The following ZNF385C variants were observed in gnomAD, a reference collection of about 807,000 sequenced individuals.
ZNF385C encodes CTD-2132N18.2.
A neutral mutation model predicts 35.4 loss-of-function variants in ZNF385C; 28 were observed. That is an observed-to-expected ratio of 0.79 (90% CI 0.59 to 1.08). ZNF385C has a LOEUF of 1.08. ZNF385C is among the 50% of genes least tolerant of loss of function. ZNF385C has a pLI of 0.00. For synonymous variants in ZNF385C, 248 were observed against 248.2 expected, an observed-to-expected ratio of 1.00 and a Z score of 0.01; for missense variants, 605 against 595.6, an observed-to-expected ratio of 1.02 and a Z score of -0.16.
In ZNF385C at chr17:42,050,048, G is replaced by A. The variant is rs2053248931; in HGVS notation, c.251-12163C>T. ...ACCTCAAGGAAACAGGCTGAGTGGA[G>A]TGAGGTGTAAACAAAACTCCATGGG... On this transcript the variant is annotated intron_variant, in intron 2 of 8. Transcript: ENST00000692273. This position sits in a 1 kb window ranked among gnomAD's most constrained non-coding sequence, Gnocchi z 5.6. Among the ~76,000 whole-genome samples, 1 of 152,246 alleles carries A rather than the reference G, an allele frequency of 6.6e-6. No individual in the cohort carries two copies.
At chr17:42,066,221 A>G (rs1378578888) in intron 1 of ZNF385C, among the ~76,000 whole-genome samples, 1 of 151,918 alleles carries the variant, frequency 6.6e-6, no homozygotes, top group Admixed American at 6.6e-5. Flanking sequence ...CACCACTCCC[A>G]GCTAATTTTT....
intron 1 of ZNF385C, among the ~76,000 whole-genome samples, chr17:42,071,776 GCCTGCTCT>G (rs112689477): frequency 0.31 from 47,570 of 151,722 alleles, 8,288 homozygotes; most frequent in African/African-American, 0.46. Context: ...TTTATCTCCT[GCCTGCTCT>G]CCTGCTCTCC....
Position 42,028,903 on chromosome 17 carries a change from C to A in ZNF385C, c.847G>T (p.Ala283Ser). Residue 283 changes from alanine to serine, a missense_variant, in exon 6 of 9, where the codon GCG becomes TCG. Ala to Ser is a moderately conservative substitution (Grantham distance 99). Coordinates refer to ENST00000692273, the MANE Select transcript of ZNF385C (RefSeq NM_001392013.1). Reference sequence around the variant, plus strand: ...ATGCTGCTTCCCACGGCAGCTGCCGCTGGCTCAGGCCCCGGTGCCTCTCTC... The same window carrying A: ...ATGCTGCTTCCCACGGCAGCTGCCGATGGCTCAGGCCCCGGTGCCTCTCTC... ...PGREAPGPEPAAAAVGSSMSG... is the reference protein window; with the variant it reads ...PGREAPGPEPSAAAVGSSMSG... 2 of 1,550,610 alleles carry A rather than the reference C, an allele frequency of 1.3e-6. No homozygotes were observed. The highest frequency in any genetic ancestry group is 1.7e-6 in the Non-Finnish European group (2 of 1,147,006).
chr17:42,079,293 A>C (rs1032703194), intron 1 of ZNF385C, among the ~76,000 whole-genome samples: 2 of 148,066 alleles, frequency 1.4e-5, no homozygotes, highest in Non-Finnish European at 3.0e-5. Flanking sequence ...AATCCCAACT[A>C]CTGGGGAGAC....
At chr17:42,083,086 A>G (rs181628041) in intron 1 of ZNF385C, among the ~76,000 whole-genome samples, 45 of 152,292 alleles carry the variant, frequency 3.0e-4, no homozygotes, top group African/African-American at 9.6e-4. Context: ...CAAAAAAACC[A>G]AAACAACAAA....
Position 42,071,210 on chromosome 17 carries a change from T to G in ZNF385C, c.-2-8152A>C, listed in dbSNP as rs75616403. On this transcript the variant is annotated intron_variant, in intron 1 of 8. Transcript: ENST00000692273. Reference sequence around the variant, plus strand: ...CACACCCAAGGCACCATGTCTGTCTTCCCATCTGAAGTGGTGACAGAGGAA... The same window carrying G: ...CACACCCAAGGCACCATGTCTGTCTGCCCATCTGAAGTGGTGACAGAGGAA... Among the ~76,000 whole-genome samples the G allele has an allele frequency of 7.0e-3, 1,066 of 152,256 alleles. 11 individuals are homozygous for G. The highest frequency in any genetic ancestry group is 0.025 in the African/African-American group (1,029 of 41,540).
Position 42,057,390 on chromosome 17 carries a change from G to A in ZNF385C, c.250+5417C>T, listed in dbSNP as rs370126157. Among the ~76,000 whole-genome samples the A allele has an allele frequency of 1.1e-4, 17 of 152,154 alleles. No individual in the cohort carries two copies. The East Asian group carries it at 2.1e-3, about 19-fold the overall frequency. On this transcript the variant is annotated intron_variant, in intron 2 of 8. Coordinates refer to ENST00000692273, the MANE Select transcript of ZNF385C (RefSeq NM_001392013.1). ...ATTGCTCCTTGCCCAGCTGTCCCCC[G>A]ATGCCCTGTGCTGGCTCAACATCTG...
intron 2 of ZNF385C, among the ~76,000 whole-genome samples, chr17:42,057,927 A>G (rs1407188730): frequency 6.6e-6 from 1 of 151,680 alleles, no homozygotes; most frequent in Non-Finnish European, 1.5e-5. Context: ...TGGGCAACAG[A>G]GTGAGACTCT....
rs1555658103 is a variant in ZNF385C at position 42,062,847 on chromosome 17, C to T, written c.210G>A (p.Arg70=). The part of the protein sequence containing the change: ...VHCGGRAHQR[R]LRQLSLGKSP... Reference sequence around the variant, plus strand: ...TCTTCCCCAAGCTGAGCTGCCGAAGCCGCCTCTGGTGGGCCCGCCCCCCAC... The same window carrying T: ...TCTTCCCCAAGCTGAGCTGCCGAAGTCGCCTCTGGTGGGCCCGCCCCCCAC... The change falls in exon 2 of 9, where the codon CGG becomes CGA. Residue 70 remains arginine (R), a synonymous_variant. Coordinates refer to ENST00000692273, the MANE Select transcript of ZNF385C (RefSeq NM_001392013.1). 3.2e-6 allele frequency: 2 copies of T among 626,032 alleles called. No individual in the cohort carries two copies. The highest frequency in any genetic ancestry group is 2.6e-5 in the Admixed American group (1 of 37,978). The allele number at this position is 626,032 out of a possible 1,614,324, so 38.8% of individuals were successfully genotyped here. A position where few individuals can be genotyped will look rare whatever the true frequency, so the allele number is the denominator to read the frequency against.
chr17:42,053,467 C>A (rs139060211), intron 2 of ZNF385C, among the ~76,000 whole-genome samples: 1 of 150,782 alleles, frequency 6.6e-6, no homozygotes, highest in Admixed American at 6.6e-5. Flanking sequence ...CTTCACTCCC[C>A]TCGGACGTCT....
In ZNF385C at chr17:42,074,314, T is replaced by C. The variant is rs142805208; in HGVS notation, c.-2-11256A>G. 6.4e-3 allele frequency among the ~76,000 whole-genome samples: 977 copies of C among 152,336 alleles called. 7 individuals are homozygous for C. The highest frequency in any genetic ancestry group is 0.031 in the Middle Eastern group (9 of 294). ...AATAAATGCATTTCCACTTTTAAGA[T>C]AAATCCACATTAAATTGTACATTTT... On this transcript the variant is annotated intron_variant, in intron 1 of 8. Transcript: ENST00000692273.
rs1430867688 is a variant in ZNF385C, at chr17:42,046,966, G to A, written c.251-9081C>T. 2.7e-5 allele frequency among the ~76,000 whole-genome samples: 4 copies of A among 148,892 alleles called. No homozygotes were observed. In the East Asian group the frequency reaches 5.9e-4, roughly 22 times the overall value. ...CAATCTCCACCTCCCGGATTCAAGC[G>A]ATTCTCCCGCCTCAGCCTCCCAAGT... On this transcript the variant is annotated intron_variant, in intron 2 of 8. Transcript: ENST00000692273.
chr17:42,026,359 C>T lies in ZNF385C; in HGVS notation c.*538G>A, dbSNP rs184812810. ...CAGCCCCACTACCTCCTTGGCTCTG[C>T]CCCACCTTAGCACTGCTGATCGAAG... On this transcript the variant is annotated 3_prime_UTR_variant, in exon 9 of 9. Transcript: ENST00000692273. 5.3e-4 allele frequency: 86 copies of T among 160,952 alleles called. No individual in the cohort carries two copies. The highest frequency in any genetic ancestry group is 6.5e-3 in the Middle Eastern group (2 of 310). 10.0% of individuals were successfully genotyped at this position (160,952 alleles called of 1,614,324 possible). A position where few individuals can be genotyped will look rare whatever the true frequency, so the allele number is the denominator to read the frequency against.
intron 1 of ZNF385C, among the ~76,000 whole-genome samples, chr17:42,082,946 G>A (rs1427018914): frequency 6.6e-6 from 1 of 151,858 alleles, no homozygotes; most frequent in Non-Finnish European, 1.5e-5. Flanking sequence ...GGATGGTGGT[G>A]CACGCCTGTA....
rs1170040190 is a variant in ZNF385C, at chr17:42,025,804, A to C, written c.*1093T>G. 1 of 152,322 alleles carries C rather than the reference A, an allele frequency of 6.6e-6. No homozygotes were observed. Among genetic ancestry groups the C allele is most frequent in the Non-Finnish European group, 1.5e-5 (1 of 68,040 alleles). 9.4% of individuals were successfully genotyped at this position (152,322 alleles called of 1,614,324 possible). ...GTGACATTGACATTGACAGCATGAA[A>C]ATGGGTCTTGCCAGTGCATGTGAGA... is the stretch of plus-strand genomic sequence containing the variant. On this transcript the variant is annotated 3_prime_UTR_variant, in exon 9 of 9. Transcript: ENST00000692273.
chr17:42,046,028 CCTTA>C (rs1282172217), intron 2 of ZNF385C, among the ~76,000 whole-genome samples: 8 of 152,230 alleles, frequency 5.3e-5, no homozygotes, highest in African/African-American at 1.9e-4. Context: ...CCTCCTCTTT[CCTTA>C]CTAATTCCCA....
At chr17:42,030,159 T>C (rs893164241) in intron 5 of ZNF385C, among the ~76,000 whole-genome samples, 1 of 151,864 alleles carries the variant, frequency 6.6e-6, no homozygotes, top group Non-Finnish European at 1.5e-5. Flanking sequence ...CTTACAGATA[T>C]AATGAATGTT....
chr17:42,059,436 G>C (rs2053427956), intron 2 of ZNF385C, among the ~76,000 whole-genome samples: 1 of 152,182 alleles, frequency 6.6e-6, no homozygotes, highest in Admixed American at 6.5e-5. Flanking sequence ...CTGGACTGGA[G>C]TATCAGGCCT....
intron 1 of ZNF385C, among the ~76,000 whole-genome samples, chr17:42,071,879 C>T (rs2053628569): frequency 6.6e-6 from 1 of 152,226 alleles, no homozygotes; most frequent in Non-Finnish European, 1.5e-5. Flanking sequence ...CAAGTCAGGG[C>T]AGGAGCCTAA....
Sources: allele counts gnomAD v4.1 joint callset (sites outside exome capture counted in the v4.1 genomes callset), GRCh38; gene constraint gnomAD v4.1.1; non-coding constraint Gnocchi (gnomAD v3.1); transcripts MANE v1.5; gene names NCBI Gene and HGNC (gene_info 2026-07-23, HGNC 2026-07-21).